Variants in RUBCN observed in about 807,000 individuals in gnomAD.
The protein encoded by RUBCN is rubicon autophagy regulator, also known as run domain Beclin-1-interacting and cysteine-rich domain-containing protein.
In RUBCN, 74 loss-of-function variants were observed where a neutral mutation model predicts 113.2. That is an observed-to-expected ratio of 0.65 (90% CI 0.54 to 0.79). The LOEUF (loss-of-function observed/expected upper bound fraction) is 0.79, where lower values mean the gene tolerates loss of function less well. Among genes scored for constraint, RUBCN ranks in the 30% least tolerant of loss-of-function variants. RUBCN has a pLI of 0.00. For synonymous variants in RUBCN, 480 were observed against 490.0 expected, an observed-to-expected ratio of 0.98 and a Z score of 0.27; for missense variants, 1,109 against 1,251.7, an observed-to-expected ratio of 0.89 and a Z score of 1.72.
intron 11 of RUBCN, chr3:197,690,931 C>G: frequency 2.4e-6 from 1 of 413,026 alleles, no homozygotes; most frequent in South Asian, 1.8e-5. Context: ...TCTGGCTTAG[C>G]TCCAGTTTCT....
chr3:197,724,573 ACAGGCC>A (rs1471682282), intron 1 of RUBCN, among the ~76,000 whole-genome samples: 2 of 152,188 alleles, frequency 1.3e-5, no homozygotes, highest in Non-Finnish European at 2.9e-5. Context: ...TTTATCTGGG[ACAGGCC>A]CATGGATCAC....
Position 197,674,423 on chromosome 3 carries a change from T to A in RUBCN, c.*595A>T. On this transcript the variant is annotated 3_prime_UTR_variant, in exon 20 of 20. Coordinates refer to ENST00000296343, the MANE Select transcript of RUBCN (RefSeq NM_014687.4). ...GGGACATTCACAGCTGCCTCTGAGG[T>A]CTCTGAGGAGTCTAGGATAGTCAGG... The A allele has an allele frequency of 3.2e-6, 1 of 312,404 alleles. No individual in the cohort carries two copies. The highest frequency in any genetic ancestry group is 3.0e-5 in the South Asian group (1 of 33,886). 19.4% of individuals were successfully genotyped at this position (312,404 alleles called of 1,614,324 possible). A position where few individuals can be genotyped will look rare whatever the true frequency, so the allele number is the denominator to read the frequency against.
intron 2 of RUBCN, among the ~76,000 whole-genome samples, chr3:197,710,662 T>C (rs1310978825): frequency 2.0e-5 from 3 of 150,542 alleles, no homozygotes; most frequent in African/African-American, 7.3e-5. Context: ...GCAACTCCCA[T>C]TACAAAGGAC....
At chr3:197,717,235 CCACT>C (rs1405876015) in intron 2 of RUBCN, among the ~76,000 whole-genome samples, 9 of 150,724 alleles carry the variant, frequency 6.0e-5, no homozygotes, top group East Asian at 1.9e-4. Context: ...GAGATTGAGA[CCACT>C]GAGACCATCC....
At position 197,730,676 on chromosome 3, in the gene RUBCN, T is replaced by A. The variant is rs1055129130; in HGVS notation, c.65+5979A>T. 4.6e-5 allele frequency among the ~76,000 whole-genome samples: 7 copies of A among 150,928 alleles called. No individual in the cohort carries two copies. In the East Asian group the frequency reaches 1.4e-3, roughly 29 times the overall value. Reference sequence around the variant, plus strand: ...GGGAGCCCACACCATTTATTGATGATCAAACAAAGAAACAGGTGGTGAGGA... The same window carrying A: ...GGGAGCCCACACCATTTATTGATGAACAAACAAAGAAACAGGTGGTGAGGA... On this transcript the variant is annotated intron_variant, in intron 1 of 19. Transcript: ENST00000296343.
In RUBCN at chr3:197,682,613, G is replaced by A; in HGVS notation, c.1983C>T (p.Leu661=). 2 of 1,613,828 alleles carry A rather than the reference G, an allele frequency of 1.2e-6. No homozygotes were observed. The highest frequency in any genetic ancestry group is 1.3e-5 in the African/African-American group (1 of 75,018). The change falls in exon 14 of 20, where the codon CTC becomes CTT. Residue 661 remains leucine (L), a splice_region_variant and synonymous_variant. Transcript: ENST00000296343. ...LVPEHDAPQK[L]LPIPDSLPIS... The stretch of plus-strand genomic sequence containing the variant: ...TGGGCAGTGAGTCAGGAATGGGCAG[G>A]AGCTGCAGGAGGAAAGCACAGTTGG...
chr3:197,726,240 T>C (rs1031480922), intron 1 of RUBCN, among the ~76,000 whole-genome samples: 1 of 152,132 alleles, frequency 6.6e-6, no homozygotes, highest in African/African-American at 2.4e-5. Context: ...TTTTATTTTA[T>C]TTTTTATTTT....
At chr3:197,703,397 CAAAAAAAAAAAAAAAAAAAAAA>C (rs1165064210) in intron 5 of RUBCN, 129 bp downstream of exon 5, 96 of 155,828 alleles carry the variant, frequency 6.2e-4, no homozygotes, top group Non-Finnish European at 9.3e-4. Flanking sequence ...GACTCTGTCT[CAAAAAAAAAAAAAAAAAAAAAA>C]AAAAAAAAAA....
At position 197,700,673 on chromosome 3, in the gene RUBCN, C is replaced by T; in HGVS notation, c.1201G>A (p.Ala401Thr). The change falls in exon 7 of 20, where the codon GCA (alanine) becomes ACA (threonine). Residue 401 changes from alanine to threonine, a missense_variant. Coordinates refer to ENST00000296343, the MANE Select transcript of RUBCN (RefSeq NM_014687.4). ...TGGGAGCGAATGTGGCTTTTCTTTG[C>T]CCCACTGGTGACAGTGAGTGTCTGC... ...EGQTLTVTSGAKKSHIRSHSD... is the reference protein window; with the variant it reads ...EGQTLTVTSGTKKSHIRSHSD... 2 of 1,614,084 alleles carry T rather than the reference C, an allele frequency of 1.2e-6. No homozygotes were observed. Among genetic ancestry groups the T allele is most frequent in the Non-Finnish European group, 8.5e-7 (1 of 1,179,982 alleles).
At chr3:197,717,880 C>T in intron 2 of RUBCN, 97 bp downstream of exon 2, 3 of 1,355,068 alleles carry the variant, frequency 2.2e-6, no homozygotes, top group South Asian at 2.4e-5. Context: ...TCTCAGGAGT[C>T]CACAGACCAG....
chr3:197,729,610 G>A (rs142922413), intron 1 of RUBCN, among the ~76,000 whole-genome samples: 2 of 152,186 alleles, frequency 1.3e-5, no homozygotes, highest in East Asian at 1.9e-4. Flanking sequence ...CCAGGGTGGA[G>A]TGCAGTGGCA....
chr3:197,700,326 C>CT, intron 7 of RUBCN: 2 of 524,950 alleles, frequency 3.8e-6, no homozygotes, highest in Non-Finnish European at 6.6e-6. Flanking sequence ...CCAAGAGATA[C>CT]TTTGAAAACT....
At chr3:197,710,169 CAA>C (rs201067302) in intron 2 of RUBCN, among the ~76,000 whole-genome samples, 15,599 of 119,498 alleles carry the variant, frequency 0.13, 1,007 homozygotes, top group African/African-American at 0.22. Flanking sequence ...GACTCTGTCT[CAA>C]AAAAAAAAAA....
rs770846842 is a variant in RUBCN at position 197,736,720 on chromosome 3, C to T, written c.-1G>A. On this transcript the variant is annotated 5_prime_UTR_variant, in exon 1 of 20. Transcript: ENST00000296343. ...CCATTCCCGCGCCCTCCGGCCGCAT[C>T]CGGGGCGGTGAGGCCGCCTCTTCGC... 4.2e-4 allele frequency: 650 copies of T among 1,529,628 alleles called. No homozygotes were observed. The highest frequency in any genetic ancestry group is 5.3e-4 in the Non-Finnish European group (612 of 1,144,992). The allele number at this position is 1,529,628 out of a possible 1,614,324, so 94.8% of individuals were successfully genotyped here.
At chr3:197,709,237 T>C (rs1724670758) in intron 2 of RUBCN, among the ~76,000 whole-genome samples, 1 of 152,166 alleles carries the variant, frequency 6.6e-6, no homozygotes, top group African/African-American at 2.4e-5. Flanking sequence ...CCTGTTCTTA[T>C]CGAAAAATGG....
intron 1 of RUBCN, among the ~76,000 whole-genome samples, chr3:197,736,197 G>A (rs566882938): frequency 4.3e-4 from 65 of 152,168 alleles, no homozygotes; most frequent in Non-Finnish European, 7.6e-4. Flanking sequence ...AGCTTCTTCC[G>A]AGGCCACTCA....
chr3:197,741,404 T>C (rs1407376271), upstream of RUBCN, among the ~76,000 whole-genome samples: 1 of 152,268 alleles, frequency 6.6e-6, no homozygotes, highest in Non-Finnish European at 1.5e-5. Context: ...AAGCTTATAG[T>C]AGTTCATCTG....
intron 2 of RUBCN, among the ~76,000 whole-genome samples, chr3:197,717,299 C>T (rs527588845): frequency 6.6e-6 from 1 of 151,950 alleles, no homozygotes; most frequent in African/African-American, 2.4e-5. Flanking sequence ...AAAAAATTAG[C>T]CGGGCCTGGT....
intron 1 of RUBCN, among the ~76,000 whole-genome samples, chr3:197,731,386 G>A (rs1727444587): frequency 6.6e-6 from 1 of 152,184 alleles, no homozygotes; most frequent in Non-Finnish European, 1.5e-5. Context: ...AGTCTCCCAT[G>A]TCTACCTCTT....
Sources: allele counts gnomAD v4.1 joint callset (sites outside exome capture counted in the v4.1 genomes callset), GRCh38; gene constraint gnomAD v4.1.1; transcripts MANE v1.5; gene names NCBI Gene and HGNC (gene_info 2026-07-23, HGNC 2026-07-21).